Variants in SLC11A2 observed in about 807,000 individuals in gnomAD.
SLC11A2 encodes the protein solute carrier family 11 member 2.
Under a neutral mutation model 68.0 loss-of-function variants are expected in SLC11A2, and 38 were observed. The observed-to-expected ratio is 0.56, with a 90% confidence interval of 0.43 to 0.73. SLC11A2 has a LOEUF of 0.73. SLC11A2 is among the 30% of genes least tolerant of loss of function. SLC11A2 has a pLI of 0.00. For synonymous variants in SLC11A2, 242 were observed against 250.6 expected, an observed-to-expected ratio of 0.97 and a Z score of 0.32; for missense variants, 517 against 690.5, an observed-to-expected ratio of 0.75 and a Z score of 2.82.
chr12:51,009,180 A>C, intron 2 of SLC11A2: 3 of 1,499,238 alleles, frequency 2.0e-6, no homozygotes, highest in Non-Finnish European at 1.8e-6. Context: ...CAAGTTACAA[A>C]ATCCTGCCAC....
chr12:50,955,720 G>A, the SLC11A2 span, among the ~76,000 whole-genome samples: 2 of 152,086 alleles, frequency 1.3e-5, no homozygotes, highest in Non-Finnish European at 2.9e-5. Context: ...GCACCCATAA[G>A]AAATGGAAGC....
the SLC11A2 span, among the ~76,000 whole-genome samples, chr12:50,966,543 A>G: frequency 3.3e-5 from 5 of 152,180 alleles, no homozygotes; most frequent in Admixed American, 2.6e-4. Flanking sequence ...AACCAAAAAC[A>G]TCTCCAGACA....
At chr12:50,992,501 C>T (rs899090841) in intron 12 of SLC11A2, among the ~76,000 whole-genome samples, 162 bp from the exon 13 acceptor site, 1 of 151,864 alleles carries the variant, frequency 6.6e-6, no homozygotes, top group Non-Finnish European at 1.5e-5. Context: ...GAGGCCAAGG[C>T]GGGTAGATCA....
Position 51,000,404 on chromosome 12 carries a change from G to C in SLC11A2, c.445C>G (p.Leu149Val). The change falls in exon 6 of 16, where the codon CTG becomes GTG. Residue 149 changes from leucine to valine, a missense_variant. Physicochemically the swap from Leu to Val is conservative, Grantham distance 32. Coordinates refer to ENST00000262052, the MANE Select transcript of SLC11A2 (RefSeq NM_000617.3). Reference protein sequence around the residue: ...RQYPKVPRVILWLMVELAIIG... With the variant: ...RQYPKVPRVIVWLMVELAIIG... The stretch of plus-strand genomic sequence containing the variant: ...ATAGCCAACTCCACCATCAGCCACA[G>C]GATGACTCGTGGGACCTAAACATCA... 1 of 1,613,348 alleles carries C rather than the reference G, an allele frequency of 6.2e-7. No individual in the cohort carries two copies. The highest frequency in any genetic ancestry group is 8.5e-7 in the Non-Finnish European group (1 of 1,179,276).
chr12:50,960,880 A>T, the SLC11A2 span: 1 of 1,152,472 alleles, frequency 8.7e-7, no homozygotes. Flanking sequence ...GGGTCTTGCT[A>T]TGTTGCCCAG....
At chr12:50,989,047 T>C (rs1413815221) in intron 15 of SLC11A2, among the ~76,000 whole-genome samples, 1 of 152,160 alleles carries the variant, frequency 6.6e-6, no homozygotes, top group East Asian at 1.9e-4. Context: ...CTGTAAGTTC[T>C]CGGAAGTCCA....
At chr12:50,958,441 C>T in the SLC11A2 span, among the ~76,000 whole-genome samples, 1 of 151,470 alleles carries the variant, frequency 6.6e-6, no homozygotes, top group Non-Finnish European at 1.5e-5. Context: ...GCCACCACAC[C>T]CGGCTAATTT....
At chr12:51,000,553 C>T in intron 5 of SLC11A2, 134 bp from the exon 6 acceptor site, 1 of 715,524 alleles carries the variant, frequency 1.4e-6, no homozygotes, top group East Asian at 2.7e-5. Flanking sequence ...GAAGAAATAC[C>T]AGAACGTGCC....
rs145155499 is a variant in SLC11A2 at position 51,000,345 on chromosome 12, T to C, written c.504A>G (p.Ser168=). ...IGSDMQEVIG[S]AIAINLLSVG... is the part of the protein sequence containing the mutation. ...CAGACAGAAGATTGATAGCAATGGC[T>C]GAGCCAATGACTTCTTGCATGTCTG... The change falls in exon 6 of 16, where the codon TCA becomes TCG. Residue 168 remains serine, a synonymous_variant. Coordinates refer to ENST00000262052, the MANE Select transcript of SLC11A2 (RefSeq NM_000617.3). 2,398 of 1,613,958 alleles carry C rather than the reference T, an allele frequency of 1.5e-3. No individual in the cohort carries two copies. Among genetic ancestry groups the C allele is most frequent in the Middle Eastern group, 9.7e-3 (59 of 6,060 alleles).
At chr12:51,028,230 C>T (rs1944465175), upstream of SLC11A2, 3 of 1,534,820 alleles carry the variant, frequency 2.0e-6, no homozygotes, top group Non-Finnish European at 2.6e-6. Flanking sequence ...CCTCATGGTG[C>T]AGAACTAGTT....
chr12:50,981,060 A>C (rs1413400440), downstream of SLC11A2: 2 of 152,232 alleles, frequency 1.3e-5, no homozygotes, highest in African/African-American at 4.8e-5. Context: ...AAGTGACGAC[A>C]AAGACAATAA....
the SLC11A2 span, chr12:50,970,565 A>C: frequency 9.3e-7 from 1 of 1,077,932 alleles, no homozygotes. Flanking sequence ...TATTATGAAG[A>C]ATAAATTTTC....
chr12:51,024,440 G>A (rs1007837554), intron 1 of SLC11A2: 5 of 152,240 alleles, frequency 3.3e-5, no homozygotes, highest in African/African-American at 1.2e-4. Flanking sequence ...ACTTCGGAAG[G>A]CCGATACAGG....
the SLC11A2 span, among the ~76,000 whole-genome samples, chr12:50,971,291 T>C: frequency 6.6e-6 from 1 of 152,212 alleles, no homozygotes; most frequent in Non-Finnish European, 1.5e-5. Flanking sequence ...TGGGTAATAA[T>C]GACATCAGAG....
chr12:50,992,744 A>AAAAAAAG, intron 12 of SLC11A2, 66 bp downstream of exon 12: 1 of 1,016,072 alleles, frequency 9.8e-7, no homozygotes, highest in Non-Finnish European at 1.4e-6. Flanking sequence ...AAAAAAAAAA[A>AAAAAAAG]AAGAAGAAGA....
chr12:51,011,003 G>A (rs1218056372), intron 1 of SLC11A2, among the ~76,000 whole-genome samples: 1 of 152,194 alleles, frequency 6.6e-6, no homozygotes, highest in African/African-American at 2.4e-5. Context: ...AAATTGAAGT[G>A]TTACAGCTCT....
At chr12:50,974,034 G>T in the SLC11A2 span, among the ~76,000 whole-genome samples, 1 of 152,174 alleles carries the variant, frequency 6.6e-6, no homozygotes, top group Admixed American at 6.5e-5. Flanking sequence ...GAAAGTGACA[G>T]GGAGAATGGA....
the SLC11A2 span, among the ~76,000 whole-genome samples, chr12:50,972,380 T>A: frequency 2.0e-5 from 3 of 152,192 alleles, no homozygotes; most frequent in Admixed American, 6.5e-5. Context: ...TATCTATGCA[T>A]GAGAACCTAC....
intron 1 of SLC11A2, among the ~76,000 whole-genome samples, chr12:51,019,188 G>C (rs1943872353): frequency 6.6e-6 from 1 of 152,156 alleles, no homozygotes; most frequent in Non-Finnish European, 1.5e-5. Context: ...AAGAGAAACT[G>C]CTAGGTGCAC....
Sources: gnomAD v4.1 joint callset for allele counts (sites outside exome capture counted in the v4.1 genomes callset) on GRCh38, gnomAD v4.1.1 for gene constraint, MANE v1.5 for transcripts, NCBI Gene and HGNC (gene_info 2026-07-23, HGNC 2026-07-21) for gene names.